TRAPPC9: variants seen among roughly 807,000 people sequenced by gnomAD.
TRAPPC9 encodes the protein IKK2 binding protein.
In TRAPPC9, 83 loss-of-function variants were observed where a neutral mutation model predicts 124.0. The ratio of observed to expected loss-of-function variants is 0.67; its 90% CI spans 0.56 to 0.80. The LOEUF is 0.80. Among genes scored for constraint, TRAPPC9 ranks in the 30% least tolerant of loss-of-function variants. The pLI is 0.00. For synonymous variants in TRAPPC9, 638 were observed against 617.5 expected, an observed-to-expected ratio of 1.03 and a Z score of -0.49; for missense variants, 1,302 against 1,508.3, an observed-to-expected ratio of 0.86 and a Z score of 2.27.
At chr8:140,179,971 A>G (rs1483445562) in intron 17 of TRAPPC9, among the ~76,000 whole-genome samples, 1 of 140,938 alleles carries the variant, frequency 7.1e-6, no homozygotes, top group Non-Finnish European at 1.5e-5. Context: ...ATTTCCTATA[A>G]ACAATTTATA....
At chr8:139,940,102 G>A (rs545430858) in intron 19 of TRAPPC9, among the ~76,000 whole-genome samples, 27 of 152,180 alleles carry the variant, frequency 1.8e-4, no homozygotes, top group Non-Finnish European at 3.7e-4. Context: ...GATTCCCGTC[G>A]TTTGGTTGGA....
chr8:140,180,056 G>A (rs930288087), intron 17 of TRAPPC9, among the ~76,000 whole-genome samples: 1 of 120,774 alleles, frequency 8.3e-6, no homozygotes, highest in Non-Finnish European at 1.6e-5. Context: ...AAGCTCTTAG[G>A]TCATTTACAC....
At chr8:140,367,954 A>C (rs1271408740) in intron 8 of TRAPPC9, among the ~76,000 whole-genome samples, 2 of 152,164 alleles carry the variant, frequency 1.3e-5, no homozygotes, top group Non-Finnish European at 2.9e-5. Flanking sequence ...ACCGAGGAAA[A>C]AGAAATTAGA....
intron 18 of TRAPPC9, among the ~76,000 whole-genome samples, chr8:140,015,481 C>A (rs1435683224): frequency 6.6e-6 from 1 of 152,202 alleles, no homozygotes; most frequent in African/African-American, 2.4e-5. Flanking sequence ...CATACTAATT[C>A]TGTTGTGTTC....
chr8:140,139,193 G>A (rs1360410766), intron 17 of TRAPPC9, among the ~76,000 whole-genome samples: 1 of 152,158 alleles, frequency 6.6e-6, no homozygotes, highest in East Asian at 1.9e-4. Context: ...TCAGGGAATG[G>A]TGGGTTCCTG....
At position 140,015,698 on chromosome 8, in the gene TRAPPC9, C is replaced by T. The variant is rs28437495; in HGVS notation, c.2699+8239G>A. ...TGGCTCATGCCTGTAGTCCCAGCTACTCGGGAGGCTGAGGCAGGAGAATCA... is the reference window on the plus strand; with the variant it reads ...TGGCTCATGCCTGTAGTCCCAGCTATTCGGGAGGCTGAGGCAGGAGAATCA... On this transcript the variant is annotated intron_variant, in intron 18 of 22. Transcript: ENST00000438773. Among the ~76,000 whole-genome samples, 747 of 152,084 alleles carry T rather than the reference C, an allele frequency of 4.9e-3. 8 individuals are homozygous for T. The highest frequency in any genetic ancestry group is 0.017 in the African/African-American group (699 of 41,460).
At chr8:139,766,193 A>G (rs983494945) in intron 21 of TRAPPC9, among the ~76,000 whole-genome samples, 1 of 152,226 alleles carries the variant, frequency 6.6e-6, no homozygotes, top group African/African-American at 2.4e-5. Context: ...AGGCTCCCTC[A>G]CCAGCTCTGC....
chr8:140,224,112 C>A (rs1031547348), intron 16 of TRAPPC9, among the ~76,000 whole-genome samples: 1 of 152,220 alleles, frequency 6.6e-6, no homozygotes, highest in East Asian at 1.9e-4. Context: ...TGGAGGTGCC[C>A]AACTGGCCCC....
intron 19 of TRAPPC9, among the ~76,000 whole-genome samples, chr8:139,954,740 G>C (rs1004183057): frequency 6.6e-6 from 1 of 152,168 alleles, no homozygotes; most frequent in African/African-American, 2.4e-5. Flanking sequence ...AAAGGTAGAG[G>C]TGCTCACGCC....
chr8:140,306,727 G>T (rs2066148228), intron 10 of TRAPPC9, among the ~76,000 whole-genome samples: 1 of 152,188 alleles, frequency 6.6e-6, no homozygotes, highest in Non-Finnish European at 1.5e-5. Flanking sequence ...ATCAGAAAGT[G>T]CCACAAGTCC....
rs757719268 is a variant in TRAPPC9, at chr8:139,984,936, C to T, written c.2810+3790G>A. 2.6e-5 allele frequency among the ~76,000 whole-genome samples: 4 copies of T among 152,272 alleles called. No individual in the cohort carries two copies. Among genetic ancestry groups the T allele is most frequent in the South Asian group, 2.1e-4 (1 of 4,826 alleles). On this transcript the variant is annotated intron_variant, in intron 19 of 22. Coordinates refer to ENST00000438773, the MANE Select transcript of TRAPPC9 (RefSeq NM_001160372.4). The surrounding 1 kb of genome is among the most constrained non-coding windows in gnomAD (Gnocchi z 4.3). ...CCCTTGTCAGGCAGAAAAGGGCAGC[C>T]GCTCTGGCTGGGTTAGACACTTGTC...
At chr8:140,439,634 C>T (rs1000248156) in intron 2 of TRAPPC9, among the ~76,000 whole-genome samples, 3 of 152,188 alleles carry the variant, frequency 2.0e-5, no homozygotes, top group South Asian at 4.1e-4. Context: ...GCAAACAAGA[C>T]GTTCATCCTC....
intron 21 of TRAPPC9, among the ~76,000 whole-genome samples, chr8:139,873,469 CG>C (rs930374633): frequency 1.3e-5 from 2 of 152,086 alleles, no homozygotes; most frequent in African/African-American, 4.8e-5. Flanking sequence ...GAGTGAGTGC[CG>C]GGGGTAAGCC....
intron 17 of TRAPPC9, among the ~76,000 whole-genome samples, chr8:140,026,860 C>T (rs1456123030): frequency 1.3e-5 from 2 of 152,186 alleles, no homozygotes; most frequent in Non-Finnish European, 2.9e-5. Context: ...ACAAATGGCT[C>T]AATAAAATAC....
chr8:140,392,399 G>C (rs2068953174), intron 7 of TRAPPC9, among the ~76,000 whole-genome samples: 1 of 152,196 alleles, frequency 6.6e-6, no homozygotes, highest in Admixed American at 6.5e-5. Context: ...TATTTTACAG[G>C]ATTAATACTG....
At chr8:140,272,877 C>T (rs984888363) in intron 15 of TRAPPC9, among the ~76,000 whole-genome samples, 1 of 151,232 alleles carries the variant, frequency 6.6e-6, no homozygotes, top group Non-Finnish European at 1.5e-5. Context: ...CACCAGACCC[C>T]CCTCCAACAC....
chr8:140,410,880 A>G (rs1019792051), intron 5 of TRAPPC9, among the ~76,000 whole-genome samples: 2 of 151,996 alleles, frequency 1.3e-5, no homozygotes, highest in African/African-American at 2.4e-5. Context: ...AATATAAAAC[A>G]GCAACTCAAA....
intron 18 of TRAPPC9, among the ~76,000 whole-genome samples, 166 bp from the exon 19 acceptor site, chr8:139,989,002 G>C (rs750106355): frequency 2.0e-5 from 3 of 152,190 alleles, no homozygotes; most frequent in Non-Finnish European, 2.9e-5. Context: ...TTCTGAACAC[G>C]AGTGTGAACT....
intron 2 of TRAPPC9, among the ~76,000 whole-genome samples, chr8:140,445,284 C>A (rs1328328380): frequency 2.0e-5 from 3 of 152,216 alleles, no homozygotes; most frequent in Non-Finnish European, 2.9e-5. Flanking sequence ...GCCCCAGCAC[C>A]TAGCACAGCA....
Sources: allele counts gnomAD v4.1 joint callset (sites outside exome capture counted in the v4.1 genomes callset), GRCh38; gene constraint gnomAD v4.1.1; non-coding constraint Gnocchi (gnomAD v3.1); transcripts MANE v1.5; gene names NCBI Gene and HGNC (gene_info 2026-07-23, HGNC 2026-07-21).